Variants in ANO3 observed in about 807,000 individuals in gnomAD.
The protein encoded by ANO3 is anoctamin 3.
A neutral mutation model predicts 144.8 loss-of-function variants in ANO3; 99 were observed. That is an observed-to-expected ratio of 0.68 (90% CI 0.58 to 0.81). The LOEUF (loss-of-function observed/expected upper bound fraction) is 0.81. Among genes scored for constraint, ANO3 ranks in the 30% least tolerant of loss-of-function variants. The pLI, the probability that ANO3 is intolerant of heterozygous loss-of-function variation, is 0.00. For synonymous variants in ANO3, 414 were observed against 392.6 expected, an observed-to-expected ratio of 1.05 and a Z score of -0.64; for missense variants, 905 against 1,202.2, an observed-to-expected ratio of 0.75 and a Z score of 3.66.
At chr11:26,651,055 C>A (rs1003560712) in intron 24 of ANO3, among the ~76,000 whole-genome samples, 7 of 152,084 alleles carry the variant, frequency 4.6e-5, no homozygotes, top group African/African-American at 1.7e-4. Flanking sequence ...AAAAGCTTCC[C>A]AATTTTTTTT....
intron 14 of ANO3, among the ~76,000 whole-genome samples, chr11:26,586,484 G>A (rs1343055928): frequency 9.0e-6 from 1 of 111,434 alleles, no homozygotes; most frequent in Non-Finnish European, 1.9e-5. Flanking sequence ...GATAAAGAAG[G>A]GGCTTCCCTG....
intron 5 of ANO3, among the ~76,000 whole-genome samples, chr11:26,510,693 T>G (rs1861630747): frequency 6.6e-6 from 1 of 152,186 alleles, no homozygotes; most frequent in Non-Finnish European, 1.5e-5. Context: ...TTGACTAAAT[T>G]TACAGTCAGT....
At chr11:26,190,207 G>A (rs1021872096) in intron 1 of ANO3, among the ~76,000 whole-genome samples, 1 of 152,044 alleles carries the variant, frequency 6.6e-6, no homozygotes, top group African/African-American at 2.4e-5. Flanking sequence ...GAAAAATCTT[G>A]TAGAAATAAT....
intron 1 of ANO3, among the ~76,000 whole-genome samples, chr11:26,303,117 T>C (rs1427462125): frequency 6.6e-6 from 1 of 152,228 alleles, no homozygotes; most frequent in Non-Finnish European, 1.5e-5. Context: ...GTTCAGCCAC[T>C]GTGGAAAACA....
At chr11:26,521,321 A>G (rs1483409275) in intron 6 of ANO3, among the ~76,000 whole-genome samples, 1 of 152,200 alleles carries the variant, frequency 6.6e-6, no homozygotes, top group African/African-American at 2.4e-5. Flanking sequence ...TTTTACTCAT[A>G]CAGAGCAGTT....
intron 14 of ANO3, among the ~76,000 whole-genome samples, chr11:26,581,121 C>G (rs962643156): frequency 1.3e-5 from 2 of 152,106 alleles, no homozygotes; most frequent in South Asian, 2.1e-4. Context: ...AAGTAACTTC[C>G]TCACATAACT....
At chr11:26,274,421 A>G (rs1853514478) in intron 1 of ANO3, among the ~76,000 whole-genome samples, 1 of 152,086 alleles carries the variant, frequency 6.6e-6, no homozygotes. Flanking sequence ...TTTTTCAGTA[A>G]TACAAATAAT....
intron 5 of ANO3, among the ~76,000 whole-genome samples, chr11:26,516,615 G>A (rs917333313): frequency 6.6e-6 from 1 of 151,886 alleles, no homozygotes; most frequent in African/African-American, 2.4e-5. Flanking sequence ...ATGCACATAG[G>A]TGGTTATTTC....
chr11:26,452,874 A>G (rs1299354587), intron 3 of ANO3, among the ~76,000 whole-genome samples: 2 of 152,250 alleles, frequency 1.3e-5, no homozygotes, highest in East Asian at 3.8e-4. Context: ...GACTGACAGC[A>G]GATCTCTCGG....
intron 1 of ANO3, among the ~76,000 whole-genome samples, chr11:26,194,948 T>A (rs945676784): frequency 6.6e-6 from 1 of 152,192 alleles, no homozygotes; most frequent in Admixed American, 6.5e-5. Flanking sequence ...TAAAGAGATA[T>A]CTCTCACCTC....
At chr11:26,310,794 T>G (rs948739145) in intron 1 of ANO3, among the ~76,000 whole-genome samples, 6 of 152,332 alleles carry the variant, frequency 3.9e-5, no homozygotes, top group African/African-American at 1.4e-4. Flanking sequence ...TTGTTTACCA[T>G]GAGTCTACCT....
chr11:26,229,523 A>C (rs184972128), intron 1 of ANO3, among the ~76,000 whole-genome samples: 11 of 152,346 alleles, frequency 7.2e-5, no homozygotes, highest in Admixed American at 5.9e-4. Flanking sequence ...CGTAAATGCT[A>C]TGAGTAGCTT....
upstream of ANO3, among the ~76,000 whole-genome samples, chr11:26,305,830 T>G (rs1348149165): frequency 1.3e-5 from 2 of 152,136 alleles, no homozygotes; most frequent in African/African-American, 4.8e-5. Flanking sequence ...CATTATGGAG[T>G]TGAAAATATA....
chr11:26,638,736 T>A (rs1167119859), intron 20 of ANO3, among the ~76,000 whole-genome samples: 1 of 152,184 alleles, frequency 6.6e-6, no homozygotes, highest in Non-Finnish European at 1.5e-5. Context: ...TGTCTGTACA[T>A]CTAAACTTAT....
intron 1 of ANO3, among the ~76,000 whole-genome samples, chr11:26,383,417 G>C (rs1856639235): frequency 6.6e-6 from 1 of 152,044 alleles, no homozygotes; most frequent in Admixed American, 6.6e-5. Flanking sequence ...TTAGTTGTGA[G>C]AATCTTGACT....
intron 1 of ANO3, among the ~76,000 whole-genome samples, chr11:26,247,726 C>CTT (rs532538445): frequency 0.047 from 4,852 of 104,004 alleles, 418 homozygotes; most frequent in African/African-American, 0.084. Context: ...GCTCCAGTCA[C>CTT]TTTTTTTTTT....
intron 1 of ANO3, among the ~76,000 whole-genome samples, chr11:26,431,051 G>T (rs549719390): frequency 1.3e-5 from 2 of 152,258 alleles, no homozygotes; most frequent in South Asian, 4.1e-4. Context: ...GTTCAGTATG[G>T]TTGTCATCAG....
In ANO3 at chr11:26,643,345, G is replaced by C; in HGVS notation, c.2428+11G>C. On this transcript the variant is annotated intron_variant, in intron 23 of 26. Coordinates refer to ENST00000256737, the MANE Select transcript of ANO3 (RefSeq NM_031418.4). ...GAGCAACTGACATAGGTAAGATTCG[G>C]AAGTTAAATGATTTTTACGTTGCTA... 1 of 1,613,326 alleles carries C rather than the reference G, an allele frequency of 6.2e-7. No homozygotes were observed. Among genetic ancestry groups the C allele is most frequent in the Non-Finnish European group, 8.5e-7 (1 of 1,179,756 alleles).
chr11:26,488,667 G>A (rs1404664761), intron 4 of ANO3, among the ~76,000 whole-genome samples: 1 of 152,126 alleles, frequency 6.6e-6, no homozygotes, highest in East Asian at 1.9e-4. Context: ...CCTCCCAGTG[G>A]GTTCATGGTC....
Sources: allele counts gnomAD v4.1 joint callset (sites outside exome capture counted in the v4.1 genomes callset), GRCh38; gene constraint gnomAD v4.1.1; transcripts MANE v1.5; gene names NCBI Gene and HGNC (gene_info 2026-07-23, HGNC 2026-07-21).